The following PELI2 variants were observed in gnomAD, a reference collection of about 807,000 sequenced individuals.
PELI2 encodes the protein pellino E3 ubiquitin protein ligase family member 2, also known as E3 ubiquitin-protein ligase pellino homolog 2.
A neutral mutation model predicts 42.3 loss-of-function variants in PELI2; 23 were observed. That is an observed-to-expected ratio of 0.54 (90% CI 0.39 to 0.77). PELI2 has a LOEUF of 0.77. Among genes scored for constraint, PELI2 ranks in the 30% least tolerant of loss-of-function variants. The pLI is 0.00. For synonymous variants in PELI2, 245 were observed against 212.2 expected (o/e 1.15, Z -1.34); for missense variants, 463 against 553.2 (o/e 0.84, Z 1.64).
chr14:56,141,753 C>G (rs974555716), intron 1 of PELI2, among the ~76,000 whole-genome samples: 4 of 152,096 alleles, frequency 2.6e-5, no homozygotes, highest in African/African-American at 9.7e-5. Flanking sequence ...GAAACCACCC[C>G]CAAGATTCAG....
At chr14:56,198,549 A>C (rs892533720) in intron 2 of PELI2, among the ~76,000 whole-genome samples, 1 of 152,180 alleles carries the variant, frequency 6.6e-6, no homozygotes, top group Admixed American at 6.5e-5. Context: ...GTTGGTGGCT[A>C]TGGTGGCTAA....
intron 2 of PELI2, among the ~76,000 whole-genome samples, chr14:56,206,455 T>G (rs1442146812): frequency 6.6e-6 from 1 of 152,244 alleles, no homozygotes; most frequent in Non-Finnish European, 1.5e-5. Context: ...CAGTTTAACC[T>G]TAGTGTTTTG....
intron 1 of PELI2, among the ~76,000 whole-genome samples, chr14:56,172,606 G>A (rs1885221133): frequency 6.6e-6 from 1 of 152,184 alleles, no homozygotes; most frequent in Non-Finnish European, 1.5e-5. Flanking sequence ...TGTACTTTTG[G>A]ATCTGGGGGC....
chr14:56,283,042 C>T (rs773075744), intron 3 of PELI2, among the ~76,000 whole-genome samples: 1 of 152,126 alleles, frequency 6.6e-6, no homozygotes. Flanking sequence ...CAGGTACTCT[C>T]AAAGTGTGAG....
In PELI2 at chr14:56,273,449, G is replaced by C. The variant is rs1474380012; in HGVS notation, c.208-6227G>C. Among the ~76,000 whole-genome samples, 1 of 152,144 alleles carries C rather than the reference G, an allele frequency of 6.6e-6. No individual in the cohort carries two copies. On this transcript the variant is annotated intron_variant, in intron 2 of 5. Transcript: ENST00000267460. The surrounding 1 kb of genome is among the most constrained non-coding windows in gnomAD (Gnocchi z 4.3). Reference sequence around the variant, plus strand: ...GATGATACATGATGATTGCACAAAAGCATCTTCAGGACAGAAAGTTAAGGG... The same window carrying C: ...GATGATACATGATGATTGCACAAAACCATCTTCAGGACAGAAAGTTAAGGG...
chr14:56,128,214 G>C (rs1883349362), intron 1 of PELI2, among the ~76,000 whole-genome samples: 2 of 152,224 alleles, frequency 1.3e-5, no homozygotes, highest in Non-Finnish European at 1.5e-5. Context: ...AGGACTAGGG[G>C]TGGTGGAGCC....
chr14:56,284,698 G>A (rs1889592842), intron 3 of PELI2, among the ~76,000 whole-genome samples: 1 of 152,214 alleles, frequency 6.6e-6, no homozygotes, highest in African/African-American at 2.4e-5. Flanking sequence ...GAGCATGCAT[G>A]TGCAGGTATG....
chr14:56,274,097 G>T (rs564862874), intron 2 of PELI2, among the ~76,000 whole-genome samples: 1 of 152,178 alleles, frequency 6.6e-6, no homozygotes, highest in Non-Finnish European at 1.5e-5. Context: ...CCCACTGGCC[G>T]AAAGTGGATA....
intron 1 of PELI2, among the ~76,000 whole-genome samples, chr14:56,143,049 T>C (rs911744432): frequency 3.3e-5 from 5 of 151,234 alleles, no homozygotes; most frequent in Admixed American, 6.6e-5. Flanking sequence ...TCCCCAATCC[T>C]TTTTTTTTGG....
At chr14:56,126,217 G>A (rs778651134) in intron 1 of PELI2, among the ~76,000 whole-genome samples, 21 of 152,206 alleles carry the variant, frequency 1.4e-4, no homozygotes, top group Admixed American at 2.0e-4. Context: ...ATTGCAGTGC[G>A]CCACAGTGGC....
chr14:56,205,199 A>G (rs1362678202), intron 2 of PELI2, among the ~76,000 whole-genome samples: 1 of 152,026 alleles, frequency 6.6e-6, no homozygotes, highest in Non-Finnish European at 1.5e-5. Flanking sequence ...AGCGCTGGAG[A>G]AGTTACGGGT....
At chr14:56,175,735 G>C (rs1746930442) in intron 1 of PELI2, among the ~76,000 whole-genome samples, 1 of 152,146 alleles carries the variant, frequency 6.6e-6, no homozygotes, top group African/African-American at 2.4e-5. Context: ...TGACACTTCT[G>C]GTTTTTTTCC....
intron 2 of PELI2, among the ~76,000 whole-genome samples, chr14:56,248,879 T>C (rs1297752157): frequency 5.9e-5 from 9 of 152,114 alleles, no homozygotes; most frequent in Admixed American, 6.6e-5. Context: ...GCTCCTGCCA[T>C]GCCACTTGTA....
intron 1 of PELI2, among the ~76,000 whole-genome samples, chr14:56,157,842 A>G (rs141475376): frequency 4.6e-5 from 7 of 152,322 alleles, no homozygotes; most frequent in African/African-American, 1.7e-4. Flanking sequence ...GGAAGTAATT[A>G]TTTTAGTAGT....
chr14:56,233,539 A>G (rs1341891089), intron 2 of PELI2, among the ~76,000 whole-genome samples: 1 of 152,222 alleles, frequency 6.6e-6, no homozygotes, highest in Non-Finnish European at 1.5e-5. Context: ...TGCTGGGAAA[A>G]CTGGCTAGCC....
Position 56,216,142 on chromosome 14 carries a change from T to C in PELI2, c.207+37678T>C, listed in dbSNP as rs1420821324. On this transcript the variant is annotated intron_variant, in intron 2 of 5. Transcript: ENST00000267460. ...ATACAAAAAACTTCATGCAGTTGTT[T>C]ATGTATTTGCTTTTTGTGTACCCAT... Among the ~76,000 whole-genome samples, 7 of 152,378 alleles carry C rather than the reference T, an allele frequency of 4.6e-5. No homozygotes were observed. The South Asian group carries it at 1.5e-3, about 32-fold the overall frequency.
chr14:56,224,213 A>G (rs1231716626), intron 2 of PELI2, among the ~76,000 whole-genome samples: 1 of 152,220 alleles, frequency 6.6e-6, no homozygotes, highest in Non-Finnish European at 1.5e-5. Context: ...TCAGGTGTCC[A>G]TCTTCAGTTA....
intron 1 of PELI2, among the ~76,000 whole-genome samples, chr14:56,137,870 A>G (rs1015004212): frequency 5.9e-5 from 9 of 152,174 alleles, no homozygotes; most frequent in African/African-American, 2.2e-4. Flanking sequence ...TTGATGTCAC[A>G]TATTTCAGTT....
intron 1 of PELI2, among the ~76,000 whole-genome samples, chr14:56,118,940 C>CG (rs1463013707): frequency 6.7e-6 from 1 of 150,362 alleles, no homozygotes; most frequent in Non-Finnish European, 1.5e-5. Flanking sequence ...CGGCGGACGC[C>CG]GGGCTGCGCT....
Sources: gnomAD v4.1 joint callset for allele counts (sites outside exome capture counted in the v4.1 genomes callset) on GRCh38, gnomAD v4.1.1 for gene constraint, Gnocchi (gnomAD v3.1) non-coding constraint, MANE v1.5 for transcripts, NCBI Gene and HGNC (gene_info 2026-07-23, HGNC 2026-07-21) for gene names.